The following DPP6 variants were observed in gnomAD, a reference collection of about 807,000 sequenced individuals.
DPP6 encodes A-type potassium channel modulatory protein DPP6.
A neutral mutation model predicts 122.6 loss-of-function variants in DPP6; 69 were observed. The observed-to-expected ratio is 0.56, with a 90% CI of 0.46 to 0.69. The LOEUF (loss-of-function observed/expected upper bound fraction) is 0.69, where lower values mean the gene tolerates loss of function less well. DPP6 is among the 30% of genes least tolerant of loss of function. The pLI is 0.00. For synonymous variants in DPP6, 418 were observed against 433.1 expected, an observed-to-expected ratio of 0.97 and a Z score of 0.43; for missense variants, 928 against 1,116.9, an observed-to-expected ratio of 0.83 and a Z score of 2.41.
At chr7:153,902,391 C>G (rs1403281505) in intron 1 of DPP6, among the ~76,000 whole-genome samples, 1 of 152,118 alleles carries the variant, frequency 6.6e-6, no homozygotes, top group East Asian at 1.9e-4. Flanking sequence ...TGTTAGGCTC[C>G]AGAAACTGGG....
chr7:154,661,942 G>C (rs1217232824), intron 6 of DPP6, among the ~76,000 whole-genome samples: 28 of 133,544 alleles, frequency 2.1e-4, no homozygotes, highest in Non-Finnish European at 2.9e-4. Context: ...GCGTATTGGC[G>C]GTAGTGTTCA....
Position 154,124,476 on chromosome 7 carries a change from G to A in DPP6, c.243+71413G>A, listed in dbSNP as rs3115106. Reference sequence around the variant, plus strand: ...AGAGGGACAGGAAGCAGCCTGCACCGGCACTGTGGGAGCAGGCAGATGGGA... The same window carrying A: ...AGAGGGACAGGAAGCAGCCTGCACCAGCACTGTGGGAGCAGGCAGATGGGA... On this transcript the variant is annotated intron_variant, in intron 1 of 25. Transcript: ENST00000377770. Among the ~76,000 whole-genome samples the A allele has an allele frequency of 1.3e-3, 196 of 152,288 alleles. 1 individual carries two copies. The highest frequency in any genetic ancestry group is 4.0e-3 in the African/African-American group (166 of 41,566).
At chr7:153,995,742 TA>T (rs1268033175) in intron 1 of DPP6, among the ~76,000 whole-genome samples, 1 of 152,084 alleles carries the variant, frequency 6.6e-6, no homozygotes, top group Non-Finnish European at 1.5e-5. Flanking sequence ...TAATTAAGTG[TA>T]ATTGAGAAAA....
At chr7:153,877,452 T>C in the DPP6 span, among the ~76,000 whole-genome samples, 1 of 152,114 alleles carries the variant, frequency 6.6e-6, no homozygotes, top group Non-Finnish European at 1.5e-5. Flanking sequence ...CAAGCGGTAG[T>C]GCAATAGGTT....
chr7:153,879,189 G>A, the DPP6 span, among the ~76,000 whole-genome samples: 3 of 152,024 alleles, frequency 2.0e-5, no homozygotes, highest in Non-Finnish European at 2.9e-5. Context: ...AAGTAGATGT[G>A]AGTGGATGAA....
intron 1 of DPP6, among the ~76,000 whole-genome samples, chr7:154,430,525 C>T (rs1282754477): frequency 1.3e-5 from 2 of 152,300 alleles, no homozygotes; most frequent in African/African-American, 4.8e-5. Flanking sequence ...GCCCATTCAC[C>T]CTCATGACCT....
intron 1 of DPP6, among the ~76,000 whole-genome samples, chr7:154,212,862 G>A (rs541144728): frequency 6.6e-6 from 1 of 152,126 alleles, no homozygotes; most frequent in Non-Finnish European, 1.5e-5. Context: ...GTACTAGCTC[G>A]GGCCTCAGAG....
At chr7:154,079,454 GA>G (rs1248385532) in intron 1 of DPP6, among the ~76,000 whole-genome samples, 1 of 152,186 alleles carries the variant, frequency 6.6e-6, no homozygotes, top group East Asian at 1.9e-4. Context: ...CTATTGAAGG[GA>G]AGAGACTCAC....
At chr7:154,237,691 A>C (rs570556731) in intron 1 of DPP6, among the ~76,000 whole-genome samples, 2 of 152,216 alleles carry the variant, frequency 1.3e-5, no homozygotes, top group Non-Finnish European at 2.9e-5. Flanking sequence ...CAGCTCCTAA[A>C]ATAGAAATTA....
intron 1 of DPP6, among the ~76,000 whole-genome samples, chr7:154,088,166 A>T (rs1356463932): frequency 2.0e-5 from 3 of 152,140 alleles, no homozygotes; most frequent in Non-Finnish European, 4.4e-5. Context: ...ACAACCATCC[A>T]CTTGGCCTAG....
chr7:154,771,401 T>C (rs1796242762), intron 9 of DPP6, among the ~76,000 whole-genome samples: 1 of 152,254 alleles, frequency 6.6e-6, no homozygotes, highest in Non-Finnish European at 1.5e-5. Context: ...CTTCTCGCCA[T>C]GTCTTCACAT....
chr7:154,680,166 G>A (rs548457897), intron 7 of DPP6, among the ~76,000 whole-genome samples: 23 of 152,248 alleles, frequency 1.5e-4, no homozygotes, highest in Admixed American at 1.5e-3. Flanking sequence ...GGGGAAGTGA[G>A]AGAAGAAAAA....
chr7:154,153,913 C>G (rs1405406372), intron 1 of DPP6, among the ~76,000 whole-genome samples: 2 of 152,200 alleles, frequency 1.3e-5, no homozygotes, highest in Non-Finnish European at 2.9e-5. Flanking sequence ...GGGTGGCAAA[C>G]TCTCAAACCC....
intron 1 of DPP6, among the ~76,000 whole-genome samples, chr7:154,256,521 A>G (rs1802669726): frequency 6.6e-6 from 1 of 152,260 alleles, no homozygotes; most frequent in African/African-American, 2.4e-5. Flanking sequence ...TTTCTGAACC[A>G]GAGCTCACCC....
chr7:154,243,159 T>A (rs1180112309), intron 1 of DPP6, among the ~76,000 whole-genome samples: 1 of 152,226 alleles, frequency 6.6e-6, no homozygotes, highest in Non-Finnish European at 1.5e-5. Flanking sequence ...AGAGCACTTC[T>A]AATTTAAAAA....
At chr7:154,587,698 T>C (rs1226198985) in intron 5 of DPP6, 1 of 1,551,446 alleles carries the variant, frequency 6.4e-7, no homozygotes, top group East Asian at 2.4e-5. Context: ...TTCAAAATCA[T>C]GTGACTCATT....
chr7:154,151,540 T>A (rs1209889543), intron 1 of DPP6, among the ~76,000 whole-genome samples: 2 of 152,248 alleles, frequency 1.3e-5, no homozygotes. Flanking sequence ...GCGACGGCTC[T>A]TGGTGCTCAC....
intron 7 of DPP6, among the ~76,000 whole-genome samples, chr7:154,696,360 G>A (rs926089566): frequency 6.6e-6 from 1 of 152,190 alleles, no homozygotes; most frequent in African/African-American, 2.4e-5. Context: ...GAGTCGCAGT[G>A]AGTTCAGCCC....
chr7:154,390,904 A>G (rs367694882), intron 1 of DPP6, among the ~76,000 whole-genome samples: 30 of 152,226 alleles, frequency 2.0e-4, no homozygotes, highest in African/African-American at 6.3e-4. Flanking sequence ...TCTCAAACAC[A>G]TGATTTATCA....
Sources: allele counts gnomAD v4.1 joint callset (sites outside exome capture counted in the v4.1 genomes callset), GRCh38; gene constraint gnomAD v4.1.1; transcripts MANE v1.5; gene names NCBI Gene and HGNC (gene_info 2026-07-23, HGNC 2026-07-21).